The following SH2B2 variants were observed in gnomAD, a reference collection of about 807,000 sequenced individuals.
SH2B2 encodes SH2B adaptor protein 2, also known as SH2B adapter protein 2.
In SH2B2, 37 loss-of-function variants were observed where a neutral mutation model predicts 35.7. The ratio of observed to expected loss-of-function variants is 1.04; its 90% CI spans 0.80 to 1.36. The LOEUF (loss-of-function observed/expected upper bound fraction) is 1.36. SH2B2 is among the 40% of genes most tolerant of loss of function. The pLI is 0.00. For synonymous variants in SH2B2, 383 were observed against 376.4 expected, an observed-to-expected ratio of 1.02 and a Z score of -0.20; for missense variants, 852 against 817.7, an observed-to-expected ratio of 1.04 and a Z score of -0.51.
chr7:102,320,605 C>G (rs1794019639), intron 8 of SH2B2, 103 bp downstream of exon 8: 1 of 1,428,486 alleles, frequency 7.0e-7, no homozygotes, highest in Non-Finnish European at 9.4e-7. Context: ...GTCTCCTGTC[C>G]CATAGCCTCA....
Position 102,299,197 on chromosome 7 carries a change from C to CTTTTTTTT in SH2B2, c.-29-1313_-29-1306dup, listed in dbSNP as rs71123035. Among the ~76,000 whole-genome samples the CTTTTTTTT allele has an allele frequency of 1.6e-3, 40 of 24,634 alleles. 9 individuals carry two copies. Among genetic ancestry groups the CTTTTTTTT allele is most frequent in the African/African-American group, 3.9e-3 (20 of 5,122 alleles). 16.2% of individuals were successfully genotyped at this position (24,634 alleles called of 152,430 possible). A position where few individuals can be genotyped will look rare whatever the true frequency, so the allele number is the denominator to read the frequency against. ...TACAGGCATGAGCCACCGCGCCTGG[C>CTTTTTTTT]TTTTTTTTTTTTTTTTTTTGAGGTG... On this transcript the variant is annotated intron_variant, in intron 1 of 8. Coordinates refer to ENST00000444095, the MANE Select transcript of SH2B2 (RefSeq NM_001359228.2).
Position 102,300,936 on chromosome 7 carries a change from C to T in SH2B2, c.386C>T (p.Ala129Val). 1 of 1,487,696 alleles carries T rather than the reference C, an allele frequency of 6.7e-7. No individual in the cohort carries two copies. The highest frequency in any genetic ancestry group is 2.6e-5 in the East Asian group (1 of 37,918). 92.2% of individuals were successfully genotyped at this position (1,487,696 alleles called of 1,614,324 possible). A position where few individuals can be genotyped will look rare whatever the true frequency, so the allele number is the denominator to read the frequency against. The change falls in exon 2 of 9, where the codon GCC (alanine) becomes GTC (valine). Residue 129 changes from alanine to valine, a missense_variant. Physicochemically the swap from Ala to Val is moderately conservative, Grantham distance 64 (BLOSUM62 0). Around this residue, in one of 3 missense-constraint regions of SH2B2, gnomAD observed 294 missense variants for 286.6 expected, o/e 1.03. Transcript: ENST00000444095. ...GTGTCCACGCACGCGGCCACCAAGGCCCGCGTTCGCAAGGGCTTCTCGCTG... is the reference window on the plus strand; with the variant it reads ...GTGTCCACGCACGCGGCCACCAAGGTCCGCGTTCGCAAGGGCTTCTCGCTG... ...EDVSTHAATK[A>V]RVRKGFSLRN...
intron 1 of SH2B2, among the ~76,000 whole-genome samples, chr7:102,292,089 G>C (rs1321257406): frequency 3.9e-5 from 6 of 152,154 alleles, no homozygotes; most frequent in Non-Finnish European, 7.4e-5. Context: ...ACATGAGAAG[G>C]CATGGCTGGG....
In SH2B2 at chr7:102,286,964, G is replaced by A. The variant is rs1183766522; in HGVS notation, c.-160G>A. 6.6e-6 allele frequency: 1 copy of A among 150,562 alleles called. No individual in the cohort carries two copies. Among genetic ancestry groups the A allele is most frequent in the African/African-American group, 2.4e-5 (1 of 41,204 alleles). The allele number at this position is 150,562 out of a possible 1,614,324, so 9.3% of individuals were successfully genotyped here. ...GACCGCGAGGAGCGCAGGAGCCTTC[G>A]AGGCGGTGAACGAGGGAGGGAGCCC... On this transcript the variant is annotated 5_prime_UTR_variant, in exon 1 of 9. Transcript: ENST00000444095.
chr7:102,285,202 AC>A, upstream of SH2B2: 1 of 1,551,014 alleles, frequency 6.4e-7, no homozygotes, highest in Non-Finnish European at 8.7e-7. Context: ...CCATCTCAGG[AC>A]CCTCTCTGGC....
chr7:102,319,422 G>A (rs1434180357), intron 7 of SH2B2, among the ~76,000 whole-genome samples: 1 of 152,106 alleles, frequency 6.6e-6, no homozygotes, highest in Non-Finnish European at 1.5e-5. Context: ...TTTTTAAAGG[G>A]TTGGGGGGTA....
At chr7:102,304,832 G>A (rs933115178) in intron 2 of SH2B2, among the ~76,000 whole-genome samples, 2 of 152,272 alleles carry the variant, frequency 1.3e-5, no homozygotes, top group Admixed American at 6.5e-5. Flanking sequence ...CATGCTTCAA[G>A]CCTAGCCCTG....
intron 1 of SH2B2, among the ~76,000 whole-genome samples, chr7:102,295,433 C>T (rs1198569986): frequency 1.3e-5 from 2 of 152,212 alleles, no homozygotes; most frequent in African/African-American, 4.8e-5. Context: ...GGAAATACCA[C>T]CCCTGCAGGT....
At chr7:102,289,013 G>A (rs1792568967) in intron 1 of SH2B2, among the ~76,000 whole-genome samples, 1 of 152,202 alleles carries the variant, frequency 6.6e-6, no homozygotes, top group Non-Finnish European at 1.5e-5. Flanking sequence ...CAGAGCCCTG[G>A]GGCCTGGGGA....
rs1034847823 is a variant in SH2B2 at position 102,306,163 on chromosome 7, C to T, written c.730-558C>T. On this transcript the variant is annotated intron_variant, in intron 2 of 8. Coordinates refer to ENST00000444095, the MANE Select transcript of SH2B2 (RefSeq NM_001359228.2). The stretch of plus-strand genomic sequence containing the variant: ...GTGCAATGGCGCAATCTCAGCTCAC[C>T]GCAACCTCCGCCTCCTGGGTTCAAG... Among the ~76,000 whole-genome samples the T allele has an allele frequency of 3.9e-5, 6 of 151,952 alleles. No homozygotes were observed. In the East Asian group the frequency reaches 9.6e-4, roughly 24 times the overall value.
At chr7:102,320,066 G>T (rs1439328876) in intron 7 of SH2B2, among the ~76,000 whole-genome samples, 1 of 152,192 alleles carries the variant, frequency 6.6e-6, no homozygotes, top group African/African-American at 2.4e-5. Flanking sequence ...TTAGGGAGGG[G>T]ATTAGAGATT....
intron 1 of SH2B2, among the ~76,000 whole-genome samples, chr7:102,294,797 A>C (rs1462698413): frequency 2.0e-5 from 3 of 152,090 alleles, no homozygotes; most frequent in African/African-American, 4.8e-5. Flanking sequence ...CCCTGCTGGC[A>C]CTGCTGTTTG....
intron 1 of SH2B2, among the ~76,000 whole-genome samples, chr7:102,298,055 T>C (rs919406135): frequency 6.6e-6 from 1 of 152,216 alleles, no homozygotes; most frequent in Non-Finnish European, 1.5e-5. Flanking sequence ...GAAATTTGGC[T>C]GCTATGCTTC....
intron 4 of SH2B2, among the ~76,000 whole-genome samples, chr7:102,310,404 G>A (rs1381034866): frequency 6.6e-6 from 1 of 152,188 alleles, no homozygotes; most frequent in Non-Finnish European, 1.5e-5. Context: ...GGTAGCCAGT[G>A]AGGAGGAGAT....
chr7:102,306,358 G>A (rs1554554841), intron 2 of SH2B2, among the ~76,000 whole-genome samples: 1 of 152,132 alleles, frequency 6.6e-6, no homozygotes, highest in African/African-American at 2.4e-5. Context: ...CAAAGTGCTG[G>A]GATTACAGGC....
intron 1 of SH2B2, among the ~76,000 whole-genome samples, chr7:102,292,935 G>A (rs1354303508): frequency 1.3e-5 from 2 of 152,152 alleles, no homozygotes; most frequent in African/African-American, 4.8e-5. Flanking sequence ...AGTTTGACCT[G>A]TGGGACCACT....
intron 4 of SH2B2, chr7:102,309,123 G>T: frequency 1.5e-6 from 1 of 662,238 alleles, no homozygotes; most frequent in Non-Finnish European, 2.8e-6. Context: ...ATGGGGCCAG[G>T]GCCTGGGGAC....
chr7:102,285,300 G>A, upstream of SH2B2: 3 of 1,405,692 alleles, frequency 2.1e-6, no homozygotes, highest in Non-Finnish European at 3.0e-6. Context: ...TCCCAGGAGG[G>A]TGGAGACCAC....
chr7:102,308,028 C>T (rs1452238894), intron 3 of SH2B2, among the ~76,000 whole-genome samples: 13 of 152,198 alleles, frequency 8.5e-5, no homozygotes, highest in Admixed American at 6.5e-5. Flanking sequence ...TCCTCAGCCT[C>T]TCAAAGTGCT....
Sources: allele counts gnomAD v4.1 joint callset (sites outside exome capture counted in the v4.1 genomes callset), GRCh38; gene constraint gnomAD v4.1.1; regional missense constraint gnomAD v4.1.1; transcripts MANE v1.5; gene names NCBI Gene and HGNC (gene_info 2026-07-23, HGNC 2026-07-21).